MAP4K4: variants seen among roughly 807,000 people sequenced by gnomAD.
MAP4K4 encodes the protein mitogen-activated protein kinase kinase kinase kinase 4.
MAP4K4 carries 38 observed loss-of-function variants against 189.6 expected under a neutral mutation model. The ratio of observed to expected loss-of-function variants is 0.20; its 90% confidence interval spans 0.15 to 0.26. The LOEUF (loss-of-function observed/expected upper bound fraction) is 0.26, where lower values mean the gene tolerates loss of function less well. Among genes scored for constraint, MAP4K4 ranks in the 10% least tolerant of loss-of-function variants. MAP4K4 has a pLI of 1.00. For missense variants in MAP4K4, 1,054 were observed against 1,726.9 expected, an observed-to-expected ratio of 0.61 and a Z score of 6.91; for synonymous variants, 610 against 624.3, an observed-to-expected ratio of 0.98 and a Z score of 0.34.
At chr2:101,844,445 AC>A in intron 12 of MAP4K4, 134 bp downstream of exon 12, 1 of 717,728 alleles carries the variant, frequency 1.4e-6, no homozygotes, top group Non-Finnish European at 2.3e-6. Context: ...TGTTTACATA[AC>A]TTGTGAAAGA....
At chr2:101,860,935 T>C in exon 16 of MAP4K4, 1 of 1,605,516 alleles carries the variant, frequency 6.2e-7, no homozygotes, top group East Asian at 2.2e-5. Flanking sequence ...CTTTTTCCAA[T>C]GGCAACTCCG....
Position 101,869,522 on chromosome 2 carries a change from CA to C in MAP4K4, c.2464-96del. ...AAACTGGGTAACTATAAAAGTCTTA[CA>C]AAACTGACATTGTGGCAATTTATGG... is the stretch of plus-strand genomic sequence containing the variant. On this transcript the variant is annotated intron_variant, in intron 21 of 32. Coordinates refer to ENST00000324219, the Ensembl canonical transcript of MAP4K4. 1.4e-5 allele frequency: 13 copies of C among 908,680 alleles called. No homozygotes were observed. The Middle Eastern group carries it at 6.5e-4, about 45-fold the overall frequency. 56.3% of individuals were successfully genotyped at this position (908,680 alleles called of 1,614,324 possible). A position where few individuals can be genotyped will look rare whatever the true frequency, so the allele number is the denominator to read the frequency against.
chr2:101,776,295 C>T (rs2084051101), intron 2 of MAP4K4, among the ~76,000 whole-genome samples: 1 of 152,074 alleles, frequency 6.6e-6, no homozygotes. Flanking sequence ...GTGGAAGAGC[C>T]ATTGCTGTTC....
At chr2:101,815,251 TGTATGATAATGTGG>T (rs2095650210) in intron 3 of MAP4K4, among the ~76,000 whole-genome samples, 1 of 152,214 alleles carries the variant, frequency 6.6e-6, no homozygotes, top group African/African-American at 2.4e-5. Flanking sequence ...ACAGATGACC[TGTATGATAATGTGG>T]GTCTTTTACT....
At chr2:101,877,951 A>G (rs1209650593) in intron 27 of MAP4K4, among the ~76,000 whole-genome samples, 3 of 152,068 alleles carry the variant, frequency 2.0e-5, no homozygotes, top group East Asian at 1.9e-4. Flanking sequence ...GGGTTTCACC[A>G]TGTTAGCCAG....
chr2:101,797,714 CTTAAAATCAG>C (rs761160819), intron 3 of MAP4K4, among the ~76,000 whole-genome samples: 2 of 151,948 alleles, frequency 1.3e-5, no homozygotes, highest in Middle Eastern at 3.4e-3. Context: ...AAGAAAAGCT[CTTAAAATCAG>C]TTAAAATCAA....
At chr2:101,834,547 C>T (rs1559124033) in intron 8 of MAP4K4, 84 bp downstream of exon 8, 4 of 1,072,700 alleles carry the variant, frequency 3.7e-6, no homozygotes, top group South Asian at 1.4e-5. Context: ...CAGCTCAGCT[C>T]CATGGATAAA....
At chr2:101,738,249 T>G (rs970954162) in intron 2 of MAP4K4, among the ~76,000 whole-genome samples, 6 of 152,198 alleles carry the variant, frequency 3.9e-5, no homozygotes, top group African/African-American at 9.7e-5. Context: ...CATATATGAT[T>G]TCTGTCTTAG....
At chr2:101,783,056 C>G (rs1387008806) in intron 2 of MAP4K4, among the ~76,000 whole-genome samples, 2 of 151,954 alleles carry the variant, frequency 1.3e-5, no homozygotes, top group African/African-American at 4.8e-5. Context: ...TAAGAAAATT[C>G]GGAAAGGGGA....
intron 2 of MAP4K4, among the ~76,000 whole-genome samples, chr2:101,783,158 T>TTGAG (rs765386789): frequency 9.9e-5 from 15 of 152,148 alleles, no homozygotes; most frequent in Non-Finnish European, 2.1e-4. Flanking sequence ...TAGCTACTAG[T>TTGAG]TGAGTGTCCT....
At chr2:101,711,070 A>C (rs1355441937) in intron 2 of MAP4K4, among the ~76,000 whole-genome samples, 2 of 152,118 alleles carry the variant, frequency 1.3e-5, no homozygotes, top group Non-Finnish European at 1.5e-5. Flanking sequence ...AGATTGTCTT[A>C]TGAGCAATAT....
At chr2:101,794,559 T>C (rs1284497466) in intron 3 of MAP4K4, among the ~76,000 whole-genome samples, 1 of 152,244 alleles carries the variant, frequency 6.6e-6, no homozygotes, top group South Asian at 2.1e-4. Context: ...TGTACTGTTA[T>C]TGAAAATAAT....
chr2:101,808,559 G>A (rs1490187082), intron 3 of MAP4K4, among the ~76,000 whole-genome samples: 5 of 91,920 alleles, frequency 5.4e-5, no homozygotes, highest in Non-Finnish European at 1.0e-4. Flanking sequence ...CCCCCACCCC[G>A]TTTAGTATAC....
chr2:101,715,678 C>T (rs1349479217), intron 2 of MAP4K4, among the ~76,000 whole-genome samples: 1 of 152,124 alleles, frequency 6.6e-6, no homozygotes, highest in Non-Finnish European at 1.5e-5. Context: ...ATTAGGGATA[C>T]TCAACCTGAA....
intron 2 of MAP4K4, among the ~76,000 whole-genome samples, chr2:101,782,476 A>G (rs936889069): frequency 2.0e-5 from 3 of 152,238 alleles, no homozygotes; most frequent in African/African-American, 4.8e-5. Flanking sequence ...GCACTGACAT[A>G]TTCATGTGCT....
intron 2 of MAP4K4, among the ~76,000 whole-genome samples, chr2:101,740,904 G>T (rs1448230463): frequency 6.6e-6 from 1 of 152,130 alleles, no homozygotes; most frequent in African/African-American, 2.4e-5. Flanking sequence ...ATTACAGTCA[G>T]CATTTGAATG....
At chr2:101,869,965 G>A (rs2097932782) in intron 22 of MAP4K4, 168 bp downstream of exon 22, 4 of 835,476 alleles carry the variant, frequency 4.8e-6, no homozygotes, top group Non-Finnish European at 7.2e-6. Flanking sequence ...CTTCGTTGGT[G>A]TGTGCATATG....
At chr2:101,887,227 T>G in exon 30 of MAP4K4, 1 of 1,609,928 alleles carries the variant, frequency 6.2e-7, no homozygotes, top group African/African-American at 1.3e-5. Context: ...GACATTTATC[T>G]ACCAACACAT....
At chr2:101,836,674 G>C (rs541880084) in intron 9 of MAP4K4, among the ~76,000 whole-genome samples, 6 of 152,212 alleles carry the variant, frequency 3.9e-5, no homozygotes, top group African/African-American at 1.4e-4. Flanking sequence ...GGCTTTTACT[G>C]TAATTATTAT....
Sources: gnomAD v4.1 joint callset for allele counts (sites outside exome capture counted in the v4.1 genomes callset) on GRCh38, gnomAD v4.1.1 for gene constraint, MANE v1.5 for transcripts, NCBI Gene and HGNC (gene_info 2026-07-23, HGNC 2026-07-21) for gene names.